Variants in RETREG1 observed in about 807,000 individuals in gnomAD.
RETREG1 encodes reticulophagy regulator 1.
Under a neutral mutation model 54.8 loss-of-function variants are expected in RETREG1, and 44 were observed. The ratio of observed to expected loss-of-function variants is 0.80; its 90% CI spans 0.63 to 1.03. The LOEUF (loss-of-function observed/expected upper bound fraction) is 1.03. Among genes scored for constraint, RETREG1 ranks in the 50% least tolerant of loss-of-function variants. The pLI is 0.00. For synonymous variants in RETREG1, 217 were observed against 238.5 expected (o/e 0.91, Z 0.83); for missense variants, 554 against 605.1 (o/e 0.92, Z 0.89).
At chr5:16,549,363 C>T (rs998231151) in intron 3 of RETREG1, among the ~76,000 whole-genome samples, 1 of 152,202 alleles carries the variant, frequency 6.6e-6, no homozygotes, top group African/African-American at 2.4e-5. Flanking sequence ...ACTTCCCCCC[C>T]TATTTCCACT....
At chr5:16,552,337 C>T (rs1272371827) in intron 3 of RETREG1, among the ~76,000 whole-genome samples, 1 of 152,108 alleles carries the variant, frequency 6.6e-6, no homozygotes, top group Non-Finnish European at 1.5e-5. Flanking sequence ...ATTCACAATT[C>T]AAGATGATCT....
intron 2 of RETREG1, among the ~76,000 whole-genome samples, chr5:16,568,403 C>G (rs1242582909): frequency 6.6e-6 from 1 of 151,980 alleles, no homozygotes; most frequent in Admixed American, 6.6e-5. Context: ...TCTTCAGTAG[C>G]TGGGATTACA....
At chr5:16,556,547 A>G (rs190284453) in intron 3 of RETREG1, among the ~76,000 whole-genome samples, 1 of 152,290 alleles carries the variant, frequency 6.6e-6, no homozygotes, top group East Asian at 1.9e-4. Context: ...AAGGAATGTC[A>G]AAAACGATCC....
intron 3 of RETREG1, among the ~76,000 whole-genome samples, chr5:16,539,193 G>A (rs1185961900): frequency 6.6e-6 from 1 of 152,114 alleles, no homozygotes; most frequent in Non-Finnish European, 1.5e-5. Context: ...TCCATAAAGG[G>A]GGCCACCCGA....
intron 3 of RETREG1, among the ~76,000 whole-genome samples, chr5:16,499,620 C>T (rs527795517): frequency 1.3e-5 from 2 of 152,296 alleles, no homozygotes; most frequent in Admixed American, 1.3e-4. Flanking sequence ...GTGCACAGCT[C>T]CTCCTGTTTT....
Position 16,568,315 on chromosome 5 carries a change from A to T in RETREG1, c.428-2522T>A, listed in dbSNP as rs146869063. Among the ~76,000 whole-genome samples the T allele has an allele frequency of 9.3e-5, 14 of 150,926 alleles. No individual in the cohort carries two copies. In the East Asian group the frequency reaches 2.7e-3, roughly 30 times the overall value. ...GAGATGGAGTCTCACTCTGTCACCG[A>T]GGCTGGAGTGCAATGACGTGATCTC... On this transcript the variant is annotated intron_variant, in intron 2 of 8. Transcript: ENST00000306320.
At chr5:16,539,806 C>A (rs1260196730) in intron 3 of RETREG1, among the ~76,000 whole-genome samples, 2 of 152,194 alleles carry the variant, frequency 1.3e-5, no homozygotes, top group African/African-American at 4.8e-5. Flanking sequence ...AGTTTATTCA[C>A]CAGATGTTTA....
intron 3 of RETREG1, chr5:16,509,001 C>T: frequency 9.9e-7 from 1 of 1,013,852 alleles, no homozygotes; most frequent in South Asian, 4.3e-5. Context: ...CATTGGATGA[C>T]TTCACCTAGG....
In RETREG1 at chr5:16,490,299, G is replaced by C. The variant is rs746757887; in HGVS notation, c.459-6827C>G. 3.9e-5 allele frequency among the ~76,000 whole-genome samples: 6 copies of C among 152,160 alleles called. 1 individual carries two copies. The South Asian group carries it at 6.2e-4, about 16-fold the overall frequency. On this transcript the variant is annotated intron_variant, in intron 3 of 8. Coordinates refer to ENST00000306320, the MANE Select transcript of RETREG1 (RefSeq NM_001034850.3). ...ACAAAATAAAGTGTCCCATGTTTCAGTGGGAGCAATGGAAAATTGTTTAAA... is the reference window on the plus strand; with the variant it reads ...ACAAAATAAAGTGTCCCATGTTTCACTGGGAGCAATGGAAAATTGTTTAAA...
chr5:16,494,900 A>T (rs1739395384), intron 3 of RETREG1, among the ~76,000 whole-genome samples: 1 of 152,206 alleles, frequency 6.6e-6, no homozygotes, highest in Non-Finnish European at 1.5e-5. Context: ...GAAAATTTGG[A>T]ACATCCTAGA....
At chr5:16,516,063 C>CAAAAAAAAAAAAAAAGAA (rs1740344324) in intron 3 of RETREG1, among the ~76,000 whole-genome samples, 1 of 121,252 alleles carries the variant, frequency 8.2e-6, no homozygotes. Flanking sequence ...TGAAATAAAG[C>CAAAAAAAAAAAAAAAGAA]AAAAAAAAAA....
intron 3 of RETREG1, among the ~76,000 whole-genome samples, chr5:16,491,575 A>G (rs1428242728): frequency 1.3e-5 from 2 of 152,220 alleles, no homozygotes; most frequent in Non-Finnish European, 2.9e-5. Flanking sequence ...GTTGGTAATA[A>G]TTAGCATGCA....
chr5:16,493,050 T>C (rs1188687022), intron 3 of RETREG1, among the ~76,000 whole-genome samples: 1 of 152,174 alleles, frequency 6.6e-6, no homozygotes, highest in Non-Finnish European at 1.5e-5. Context: ...GAGAGCCCCA[T>C]CTTCCTCAGA....
At chr5:16,542,197 C>T (rs1027271208) in intron 3 of RETREG1, among the ~76,000 whole-genome samples, 4 of 152,242 alleles carry the variant, frequency 2.6e-5, no homozygotes, top group African/African-American at 4.8e-5. Flanking sequence ...GGCCCCTCTG[C>T]GGCCACAGGC....
chr5:16,478,828 C>G, intron 6 of RETREG1, 22 bp downstream of exon 6: 1 of 1,606,926 alleles, frequency 6.2e-7, no homozygotes, highest in Non-Finnish European at 8.5e-7. Flanking sequence ...TGCATAGAAT[C>G]TAAAATATAA....
chr5:16,490,727 G>A (rs1420608190), intron 3 of RETREG1, among the ~76,000 whole-genome samples: 1 of 152,164 alleles, frequency 6.6e-6, no homozygotes, highest in Non-Finnish European at 1.5e-5. Context: ...GGGAAGTAAT[G>A]CATAGAACTG....
intron 1 of RETREG1, among the ~76,000 whole-genome samples, chr5:16,598,571 G>A (rs1742966084): frequency 6.6e-6 from 1 of 152,186 alleles, no homozygotes; most frequent in South Asian, 2.1e-4. Flanking sequence ...ACAAAAGTGT[G>A]ACCTCCCTGC....
At chr5:16,492,171 G>C (rs913622942) in intron 3 of RETREG1, among the ~76,000 whole-genome samples, 1 of 150,256 alleles carries the variant, frequency 6.7e-6, no homozygotes, top group East Asian at 2.0e-4. Flanking sequence ...ACTGCACCCC[G>C]CTGGAGAACA....
At chr5:16,479,599 A>G (rs1319905482) in intron 5 of RETREG1, among the ~76,000 whole-genome samples, 1 of 152,106 alleles carries the variant, frequency 6.6e-6, no homozygotes, top group Admixed American at 6.6e-5. Context: ...AAACAATGTC[A>G]TCATGAGGCT....
Sources: gnomAD v4.1 joint callset for allele counts (sites outside exome capture counted in the v4.1 genomes callset) on GRCh38, gnomAD v4.1.1 for gene constraint, MANE v1.5 for transcripts, NCBI Gene and HGNC (gene_info 2026-07-23, HGNC 2026-07-21) for gene names.